CDK14: variants seen among roughly 807,000 people sequenced by gnomAD.
CDK14 encodes the protein cyclin-dependent kinase 14.
Under a neutral mutation model 60.7 loss-of-function variants are expected in CDK14, and 34 were observed. The ratio of observed to expected loss-of-function variants is 0.56; its 90% CI spans 0.43 to 0.75. The LOEUF (loss-of-function observed/expected upper bound fraction) is 0.75, where lower values mean the gene tolerates loss of function less well. Among genes scored for constraint, CDK14 ranks in the 30% least tolerant of loss-of-function variants. CDK14 has a pLI of 0.00. For synonymous variants in CDK14, 197 were observed against 203.7 expected (o/e 0.97, Z 0.28); for missense variants, 482 against 564.1 (o/e 0.85, Z 1.47).
intron 9 of CDK14, 76 bp from the exon 10 acceptor site, chr7:90,984,072 A>G: frequency 3.3e-6 from 3 of 908,508 alleles, no homozygotes; most frequent in South Asian, 1.3e-5. Flanking sequence ...GTAGGAGTGG[A>G]TATTCTAATT....
At chr7:91,079,386 T>C in intron 11 of CDK14, 46 bp from the exon 12 acceptor site, 1 of 1,290,574 alleles carries the variant, frequency 7.7e-7, no homozygotes, top group Non-Finnish European at 1.1e-6. Context: ...TTGTAATATA[T>C]ACATTTGATA....
intron 10 of CDK14, among the ~76,000 whole-genome samples, chr7:91,015,648 C>G (rs1477761169): frequency 6.6e-6 from 1 of 150,590 alleles, no homozygotes; most frequent in African/African-American, 2.4e-5. Flanking sequence ...CTGCTTCAGC[C>G]TCCCGAGTAA....
chr7:90,618,384 C>T (rs1224007501), intron 2 of CDK14, among the ~76,000 whole-genome samples: 1 of 151,976 alleles, frequency 6.6e-6, no homozygotes, highest in East Asian at 1.9e-4. Flanking sequence ...ACTGGATTTT[C>T]TTCTATGCTT....
At chr7:91,115,696 T>C (rs116925301) in intron 13 of CDK14, among the ~76,000 whole-genome samples, 445 of 152,280 alleles carry the variant, frequency 2.9e-3, no homozygotes, top group Non-Finnish European at 5.2e-3. Context: ...TGGCCTAGTG[T>C]AATATGTCAG....
In CDK14 at chr7:90,866,233, TACACACACACACACAC is replaced by T. The variant is rs3038210; in HGVS notation, c.639+2990_639+3005del. ...CTTCTGAAATACACACACATACACA[TACACACACACACACAC>T]ACACACACACACACACACACACACA... is the stretch of plus-strand genomic sequence containing the variant. On this transcript the variant is annotated intron_variant, in intron 6 of 14. Coordinates refer to ENST00000380050, the MANE Select transcript of CDK14 (RefSeq NM_001287135.2). 6.4e-5 allele frequency among the ~76,000 whole-genome samples: 9 copies of T among 140,374 alleles called. No individual in the cohort carries two copies. In the South Asian group the frequency reaches 7.1e-4, roughly 11 times the overall value. The allele number at this position is 140,374 out of a possible 152,430, so 92.1% of individuals were successfully genotyped here.
chr7:91,085,081 A>G (rs1490101216), intron 12 of CDK14, among the ~76,000 whole-genome samples: 1 of 152,222 alleles, frequency 6.6e-6, no homozygotes, highest in Non-Finnish European at 1.5e-5. Context: ...TGCGACTGCC[A>G]TAACAAATTA....
chr7:90,762,933 A>T (rs1804381281), intron 4 of CDK14, among the ~76,000 whole-genome samples: 1 of 152,136 alleles, frequency 6.6e-6, no homozygotes, highest in African/African-American at 2.4e-5. Context: ...GGTTGCAGTG[A>T]GTACCACTGC....
At chr7:90,963,133 A>G (rs1794654156) in intron 9 of CDK14, among the ~76,000 whole-genome samples, 1 of 112,540 alleles carries the variant, frequency 8.9e-6, no homozygotes, top group Non-Finnish European at 1.9e-5. Context: ...GTTTTAATTT[A>G]GAAATATATA....
intron 7 of CDK14, 66 bp downstream of exon 7, chr7:90,899,419 A>G: frequency 8.2e-7 from 1 of 1,222,354 alleles, no homozygotes; most frequent in South Asian, 1.6e-5. Flanking sequence ...ACTGAAGTCT[A>G]GCATCTCTAC....
At chr7:90,707,692 C>T (rs998071304) in intron 2 of CDK14, among the ~76,000 whole-genome samples, 2 of 152,108 alleles carry the variant, frequency 1.3e-5, no homozygotes, top group African/African-American at 2.4e-5. Context: ...TTGGTTATTT[C>T]CTCATACAGC....
In CDK14 at chr7:91,156,262, A is replaced by G. The variant is rs573743370; in HGVS notation, c.*28+38054A>G. Among the ~76,000 whole-genome samples the G allele has an allele frequency of 1.0e-3, 157 of 152,304 alleles. 1 individual carries two copies. Among genetic ancestry groups the G allele is most frequent in the African/African-American group, 3.7e-3 (152 of 41,566 alleles). ...ATAGACCTGGTCTACCTGACTTTGA[A>G]TTAAATCATTCCAAGGTTGATTTTT... On this transcript the variant is annotated intron_variant, in intron 14 of 14. Coordinates refer to ENST00000380050, the MANE Select transcript of CDK14 (RefSeq NM_001287135.2).
intron 5 of CDK14, among the ~76,000 whole-genome samples, chr7:90,838,702 G>T (rs965017767): frequency 1.3e-5 from 2 of 152,098 alleles, no homozygotes. Flanking sequence ...CTCCTGCAGT[G>T]CCCTCAGGCT....
At chr7:90,778,676 AT>A (rs1252010691) in intron 4 of CDK14, among the ~76,000 whole-genome samples, 1 of 151,328 alleles carries the variant, frequency 6.6e-6, no homozygotes, top group African/African-American at 2.4e-5. Context: ...TTCTTCCCCC[AT>A]TTTTTCTTTC....
chr7:91,055,083 A>G (rs1797510747), intron 11 of CDK14, among the ~76,000 whole-genome samples: 1 of 152,208 alleles, frequency 6.6e-6, no homozygotes, highest in Admixed American at 6.5e-5. Flanking sequence ...AGAAGGGTCT[A>G]TAAAAGCGAG....
chr7:90,964,265 G>T (rs191414015), intron 9 of CDK14, among the ~76,000 whole-genome samples: 7 of 152,060 alleles, frequency 4.6e-5, no homozygotes, highest in Non-Finnish European at 1.0e-4. Context: ...TTTGTCAGGG[G>T]TTTTAACACA....
At chr7:90,998,932 G>A (rs1237062878) in intron 10 of CDK14, among the ~76,000 whole-genome samples, 1 of 151,994 alleles carries the variant, frequency 6.6e-6, no homozygotes, top group Non-Finnish European at 1.5e-5. Flanking sequence ...ACTTCTTAGA[G>A]TTCTGGAGGC....
intron 10 of CDK14, among the ~76,000 whole-genome samples, chr7:91,010,355 T>C (rs916971527): frequency 1.4e-4 from 21 of 152,124 alleles, no homozygotes; most frequent in Non-Finnish European, 2.8e-4. Context: ...AGTTTGGAGA[T>C]AACTGGCATT....
At chr7:91,056,363 G>T (rs1381828329) in intron 11 of CDK14, among the ~76,000 whole-genome samples, 1 of 150,336 alleles carries the variant, frequency 6.7e-6, no homozygotes, top group Non-Finnish European at 1.5e-5. Context: ...ACAGCATGGT[G>T]TTCGGTAATC....
chr7:90,975,097 A>T (rs747651271), intron 9 of CDK14, among the ~76,000 whole-genome samples: 5 of 152,128 alleles, frequency 3.3e-5, no homozygotes, highest in Non-Finnish European at 2.9e-5. Context: ...GAGTTAGGGG[A>T]CCTAACATAG....
Sources: gnomAD v4.1 joint callset for allele counts (sites outside exome capture counted in the v4.1 genomes callset) on GRCh38, gnomAD v4.1.1 for gene constraint, MANE v1.5 for transcripts, NCBI Gene and HGNC (gene_info 2026-07-23, HGNC 2026-07-21) for gene names.